Variants in BMERB1 observed in about 807,000 individuals in gnomAD.
The protein encoded by BMERB1 is bMERB domain-containing protein 1.
Under a neutral mutation model 23.6 loss-of-function variants are expected in BMERB1, and 12 were observed. That is an observed-to-expected ratio of 0.51 (90% CI 0.33 to 0.82). The LOEUF is 0.82. BMERB1 is among the 40% of genes least tolerant of loss of function. The pLI is 0.03. For missense variants in BMERB1, 247 were observed against 255.4 expected, an observed-to-expected ratio of 0.97 and a Z score of 0.22; for synonymous variants, 122 against 96.6, an observed-to-expected ratio of 1.26 and a Z score of -1.54.
At chr16:15,529,261 C>T (rs545118430) in intron 2 of BMERB1, among the ~76,000 whole-genome samples, 7 of 152,198 alleles carry the variant, frequency 4.6e-5, no homozygotes, top group Admixed American at 3.9e-4. Context: ...CTCCTGACCT[C>T]GTGATCCGCC....
At chr16:15,496,132 G>T (rs571888556) in intron 1 of BMERB1, among the ~76,000 whole-genome samples, 1 of 149,942 alleles carries the variant, frequency 6.7e-6, no homozygotes, top group African/African-American at 2.5e-5. Flanking sequence ...AATGGTGATA[G>T]TGATAATGGT....
At chr16:15,519,563 G>C (rs2051824024) in intron 2 of BMERB1, among the ~76,000 whole-genome samples, 1 of 151,990 alleles carries the variant, frequency 6.6e-6, no homozygotes, top group Non-Finnish European at 1.5e-5. Context: ...GCTAATTTTT[G>C]TATTTTTAGT....
intron 1 of BMERB1, among the ~76,000 whole-genome samples, chr16:15,487,921 C>G (rs1437871978): frequency 6.6e-6 from 1 of 152,146 alleles, no homozygotes; most frequent in African/African-American, 2.4e-5. Flanking sequence ...GTGCGTTGCC[C>G]TCTTGGTTTT....
At chr16:15,570,958 A>T (rs2030709899) in intron 3 of BMERB1, among the ~76,000 whole-genome samples, 1 of 152,016 alleles carries the variant, frequency 6.6e-6, no homozygotes, top group African/African-American at 2.4e-5. Flanking sequence ...AGTGAGGACG[A>T]CCAGAGGTCA....
chr16:15,504,836 G>C (rs2051569236), intron 1 of BMERB1, among the ~76,000 whole-genome samples: 1 of 151,936 alleles, frequency 6.6e-6, no homozygotes, highest in South Asian at 2.1e-4. Context: ...TTAGGTGAAA[G>C]TTGATTCTCC....
At chr16:15,565,209 G>C (rs1209058310) in intron 2 of BMERB1, among the ~76,000 whole-genome samples, 1 of 152,198 alleles carries the variant, frequency 6.6e-6, no homozygotes, top group Non-Finnish European at 1.5e-5. Flanking sequence ...AGAAAGATCA[G>C]TGGACTCAGA....
intron 2 of BMERB1, among the ~76,000 whole-genome samples, chr16:15,563,866 A>G (rs529870157): frequency 6.6e-6 from 1 of 152,308 alleles, no homozygotes; most frequent in South Asian, 2.1e-4. Flanking sequence ...AGGGACACAG[A>G]TCCAAACTAC....
At chr16:15,479,341 A>C (rs1188374077) in intron 1 of BMERB1, among the ~76,000 whole-genome samples, 1 of 152,240 alleles carries the variant, frequency 6.6e-6, no homozygotes, top group Non-Finnish European at 1.5e-5. Context: ...TGACCAATAC[A>C]TGATATTCCA....
chr16:15,463,282 G>C (rs192442572), intron 1 of BMERB1, among the ~76,000 whole-genome samples: 25 of 148,774 alleles, frequency 1.7e-4, no homozygotes, highest in Non-Finnish European at 2.9e-4. Flanking sequence ...TTGTAGAGGC[G>C]GGGATCTCAC....
At chr16:15,548,826 T>C (rs566307318) in intron 2 of BMERB1, among the ~76,000 whole-genome samples, 5 of 152,310 alleles carry the variant, frequency 3.3e-5, no homozygotes, top group African/African-American at 1.2e-4. Context: ...GCAATGACTC[T>C]GATGGGAATT....
intron 2 of BMERB1, among the ~76,000 whole-genome samples, chr16:15,545,774 T>C (rs2052128097): frequency 6.6e-6 from 1 of 152,118 alleles, no homozygotes; most frequent in Admixed American, 6.5e-5. Context: ...GTGGGGGTGC[T>C]CCCTTGTTGA....
chr16:15,546,848 G>T (rs2029932877), intron 2 of BMERB1, among the ~76,000 whole-genome samples: 1 of 152,054 alleles, frequency 6.6e-6, no homozygotes, highest in Admixed American at 6.6e-5. Context: ...GAGGCCTGGG[G>T]AGTTTCTTCA....
chr16:15,541,423 GTTT>G (rs869249451), intron 2 of BMERB1, among the ~76,000 whole-genome samples: 27 of 92,124 alleles, frequency 2.9e-4, no homozygotes, highest in East Asian at 1.0e-3. Flanking sequence ...CCGCCGAATT[GTTT>G]TTTTTTTTTT....
intron 1 of BMERB1, among the ~76,000 whole-genome samples, chr16:15,462,539 G>A (rs153806): frequency 0.39 from 59,706 of 151,882 alleles, 13,865 homozygotes; most frequent in Admixed American, 0.57. Flanking sequence ...CTGGGCTGCA[G>A]TGGGAGAAGG....
chr16:15,533,128 G>A (rs1222556618), intron 2 of BMERB1: 1 of 384,608 alleles, frequency 2.6e-6, no homozygotes, highest in Non-Finnish European at 5.2e-6. Flanking sequence ...TCCAGTGCCT[G>A]CTACCACGTA....
In BMERB1 at chr16:15,570,775, T is replaced by C. The variant is rs149411859; in HGVS notation, c.304+2719T>C. Among the ~76,000 whole-genome samples, 261 of 152,106 alleles carry C rather than the reference T, an allele frequency of 1.7e-3. 9 individuals carry two copies. Among genetic ancestry groups the C allele is most frequent in the Middle Eastern group, 0.017 (5 of 294 alleles). The stretch of plus-strand genomic sequence containing the variant: ...ATTATATGCTAAACAAGGGGTAGAT[T>C]ATTCATGAGTTTTCTGGGAAAGGGG... On this transcript the variant is annotated intron_variant, in intron 3 of 5. Coordinates refer to ENST00000300006, the MANE Select transcript of BMERB1 (RefSeq NM_033201.3).
chr16:15,563,082 C>G (rs1306976445), intron 2 of BMERB1, among the ~76,000 whole-genome samples: 1 of 152,128 alleles, frequency 6.6e-6, no homozygotes, highest in Non-Finnish European at 1.5e-5. Context: ...TCTCGCATTT[C>G]TATAAAGAAC....
At chr16:15,447,211 A>G (rs1243840879) in intron 1 of BMERB1, among the ~76,000 whole-genome samples, 1 of 152,214 alleles carries the variant, frequency 6.6e-6, no homozygotes, top group Non-Finnish European at 1.5e-5. Context: ...TGAAAAGAAA[A>G]GAGATTTGAT....
intron 3 of BMERB1, among the ~76,000 whole-genome samples, chr16:15,569,717 A>G (rs748273367): frequency 2.1e-4 from 32 of 152,214 alleles, no homozygotes; most frequent in Non-Finnish European, 4.0e-4. Flanking sequence ...ATCATCATTC[A>G]TCAGAAATGC....
Sources: gnomAD v4.1 joint callset for allele counts (sites outside exome capture counted in the v4.1 genomes callset) on GRCh38, gnomAD v4.1.1 for gene constraint, MANE v1.5 for transcripts, NCBI Gene and HGNC (gene_info 2026-07-23, HGNC 2026-07-21) for gene names.